The following PLXNC1 variants were observed in gnomAD, a reference collection of about 807,000 sequenced individuals.
The protein encoded by PLXNC1 is plexin-C1.
PLXNC1 carries 75 observed loss-of-function variants against 178.2 expected under a neutral mutation model. That is an observed-to-expected ratio of 0.42 (90% CI 0.35 to 0.51). The LOEUF (loss-of-function observed/expected upper bound fraction) is 0.51, where lower values mean the gene tolerates loss of function less well. Ranked by LOEUF, PLXNC1 falls within the 20% of genes least tolerant of loss-of-function variation. The probability of loss-of-function intolerance (pLI) is 0.02; values close to 1 mark genes in which losing one functional copy is unlikely to be tolerated. For synonymous variants in PLXNC1, 790 were observed against 779.9 expected (o/e 1.01, Z -0.22); for missense variants, 1,503 against 1,984.4 (o/e 0.76, Z 4.61).
intron 30 of PLXNC1, chr12:94,304,296 C>G (rs889416258): frequency 8.1e-6 from 3 of 370,126 alleles, no homozygotes; most frequent in Admixed American, 8.5e-5. Flanking sequence ...ATGGGGCCTA[C>G]AGCCACCCTG....
chr12:94,217,779 C>A (rs961214903), intron 5 of PLXNC1, among the ~76,000 whole-genome samples: 1 of 152,168 alleles, frequency 6.6e-6, no homozygotes, highest in African/African-American at 2.4e-5. Flanking sequence ...ATGTGACCTT[C>A]CAGTTTTATT....
At chr12:94,200,185 C>T (rs932572387) in intron 4 of PLXNC1, among the ~76,000 whole-genome samples, 3 of 152,220 alleles carry the variant, frequency 2.0e-5, no homozygotes, top group African/African-American at 7.2e-5. Flanking sequence ...TGGATGCTCT[C>T]TGACTTCCAA....
chr12:94,155,750 T>C (rs1484044568), intron 1 of PLXNC1, among the ~76,000 whole-genome samples: 1 of 152,222 alleles, frequency 6.6e-6, no homozygotes, highest in African/African-American at 2.4e-5. Flanking sequence ...TGGGGGGATG[T>C]CTAGAGTCGT....
chr12:94,181,646 C>T, intron 3 of PLXNC1, 66 bp downstream of exon 3: 3 of 1,349,136 alleles, frequency 2.2e-6, no homozygotes, highest in Non-Finnish European at 2.1e-6. Flanking sequence ...ATGTCATTAT[C>T]TAGTAGCAAA....
At position 94,209,490 on chromosome 12, in the gene PLXNC1, T is replaced by C. The variant is rs1307872577; in HGVS notation, c.1440-100T>C. 4.2e-6 allele frequency: 3 copies of C among 714,962 alleles called. No individual in the cohort carries two copies. The African/African-American group carries it at 5.3e-5, about 13-fold the overall frequency. 44.3% of individuals were successfully genotyped at this position (714,962 alleles called of 1,614,324 possible). ...CTGTACAAGGTCTGGCATTTTGTAC[T>C]GAAGCCAAGTATAAGAAAGTTTTAA... On this transcript the variant is annotated intron_variant, in intron 4 of 30. Transcript: ENST00000258526.
rs532540332 is a variant in PLXNC1, at chr12:94,278,833, T to TA, written c.3598-632dup. Among the ~76,000 whole-genome samples the TA allele has an allele frequency of 3.3e-3, 509 of 152,024 alleles. 3 individuals carry two copies. The highest frequency in any genetic ancestry group is 5.6e-3 in the Non-Finnish European group (382 of 67,944). ...CAACATGGTGAAACCCCGTCTCTACTAAAAAAATACAAAAATTAGCCAGGC... is the reference window on the plus strand; with the variant it reads ...CAACATGGTGAAACCCCGTCTCTACTAAAAAAAATACAAAAATTAGCCAGGC... On this transcript the variant is annotated intron_variant, in intron 21 of 30. Transcript: ENST00000258526.
At chr12:94,257,442 G>A (rs1190476644) in intron 17 of PLXNC1, among the ~76,000 whole-genome samples, 1 of 152,180 alleles carries the variant, frequency 6.6e-6, no homozygotes, top group Admixed American at 6.5e-5. Context: ...TGAAGAAAAG[G>A]GAAATTTGAA....
At chr12:94,163,069 A>G (rs1961449370) in intron 1 of PLXNC1, among the ~76,000 whole-genome samples, 1 of 152,116 alleles carries the variant, frequency 6.6e-6, no homozygotes, top group Non-Finnish European at 1.5e-5. Context: ...GTCTCTTTCA[A>G]TTCTGAGAAC....
intron 7 of PLXNC1, among the ~76,000 whole-genome samples, chr12:94,225,603 C>T (rs941462880): frequency 2.0e-5 from 3 of 152,146 alleles, no homozygotes; most frequent in East Asian, 1.9e-4. Flanking sequence ...GTAGCTCCCC[C>T]GATGCCCACT....
At chr12:94,275,320 C>T (rs1367068751) in intron 21 of PLXNC1, among the ~76,000 whole-genome samples, 1 of 152,230 alleles carries the variant, frequency 6.6e-6, no homozygotes, top group Non-Finnish European at 1.5e-5. Flanking sequence ...GGCAGGAGAA[C>T]ATGCTGGTTA....
intron 15 of PLXNC1, among the ~76,000 whole-genome samples, chr12:94,254,289 G>A (rs865986201): frequency 6.6e-6 from 1 of 152,054 alleles, no homozygotes; most frequent in African/African-American, 2.4e-5. Flanking sequence ...CTTGTGGCTC[G>A]CTCATCATGT....
intron 4 of PLXNC1, among the ~76,000 whole-genome samples, chr12:94,202,621 T>A (rs1228417510): frequency 6.6e-6 from 1 of 152,140 alleles, no homozygotes; most frequent in African/African-American, 2.4e-5. Flanking sequence ...TTTCACCAAG[T>A]GTTGCAGGCC....
At chr12:94,297,803 G>A (rs1968080471) in intron 26 of PLXNC1, among the ~76,000 whole-genome samples, 1 of 152,154 alleles carries the variant, frequency 6.6e-6, no homozygotes, top group Non-Finnish European at 1.5e-5. Flanking sequence ...GGGATGGGAA[G>A]GGTCAATGAC....
chr12:94,238,577 G>A (rs1964302475), intron 10 of PLXNC1, among the ~76,000 whole-genome samples: 1 of 151,978 alleles, frequency 6.6e-6, no homozygotes, highest in South Asian at 2.1e-4. Context: ...ATAAGTTTGG[G>A]CTAATTTGAA....
Position 94,288,932 on chromosome 12 carries a change from A to G in PLXNC1, c.3880-5554A>G, listed in dbSNP as rs1438175523. Among the ~76,000 whole-genome samples, 23 of 152,226 alleles carry G rather than the reference A, an allele frequency of 1.5e-4. 1 individual carries two copies. The highest frequency in any genetic ancestry group is 1.5e-3 in the Admixed American group (23 of 15,286). ...CTCATGTTTTCAGATTTTTTTCTTT[A>G]AATTATCACAATATTCAGAACATAT... On this transcript the variant is annotated intron_variant, in intron 23 of 30. Coordinates refer to ENST00000258526, the MANE Select transcript of PLXNC1 (RefSeq NM_005761.3).
At chr12:94,160,917 A>G (rs1242768325) in intron 1 of PLXNC1, among the ~76,000 whole-genome samples, 1 of 152,254 alleles carries the variant, frequency 6.6e-6, no homozygotes, top group Admixed American at 6.5e-5. Context: ...ATTTCAAAGT[A>G]GAGATGAGCA....
At chr12:94,261,878 T>G (rs564901123) in intron 20 of PLXNC1, among the ~76,000 whole-genome samples, 1 of 152,350 alleles carries the variant, frequency 6.6e-6, no homozygotes, top group South Asian at 2.1e-4. Context: ...CAATTTTTTT[T>G]TTAATTTCTC....
intron 6 of PLXNC1, among the ~76,000 whole-genome samples, chr12:94,221,488 C>A (rs527701544): frequency 6.6e-6 from 1 of 151,930 alleles, no homozygotes; most frequent in African/African-American, 2.4e-5. Flanking sequence ...TGAGTCTCTT[C>A]GAATGAGAAA....
At chr12:94,251,961 C>A (rs1272583097) in intron 15 of PLXNC1, among the ~76,000 whole-genome samples, 2 of 152,184 alleles carry the variant, frequency 1.3e-5, no homozygotes, top group Non-Finnish European at 2.9e-5. Context: ...CCACTGCACT[C>A]CAGCCTGGGT....
Sources: allele counts gnomAD v4.1 joint callset (sites outside exome capture counted in the v4.1 genomes callset), GRCh38; gene constraint gnomAD v4.1.1; transcripts MANE v1.5; gene names NCBI Gene and HGNC (gene_info 2026-07-23, HGNC 2026-07-21).